Variants in HAP1 observed in about 807,000 individuals in gnomAD.
The protein encoded by HAP1 is huntingtin-associated protein 1.
HAP1 carries 59 observed loss-of-function variants against 60.3 expected under a neutral mutation model. The observed-to-expected ratio is 0.98, with a 90% CI of 0.79 to 1.22. The LOEUF is 1.22. HAP1 is among the 50% of genes most tolerant of loss of function. The pLI is 0.00. For synonymous variants in HAP1, 346 were observed against 330.6 expected (o/e 1.05, Z -0.50); for missense variants, 825 against 785.3 (o/e 1.05, Z -0.60).
chr17:41,728,429 C>T, intron 6 of HAP1, 98 bp from the exon 7 acceptor site: 3 of 1,153,138 alleles, frequency 2.6e-6, no homozygotes, highest in Non-Finnish European at 3.7e-6. Flanking sequence ...CCCTCGGCTG[C>T]TGCGCTGTGC....
At chr17:41,725,942 A>G (rs782290940) in intron 9 of HAP1, 45 bp from the exon 10 acceptor site, 4 of 1,423,522 alleles carry the variant, frequency 2.8e-6, no homozygotes, top group Non-Finnish European at 4.0e-6. Flanking sequence ...TGGAAGCCGA[A>G]ACTGCAGTCC....
chr17:41,718,738 C>T (rs1252485412), downstream of HAP1, among the ~76,000 whole-genome samples: 6 of 152,158 alleles, frequency 3.9e-5, no homozygotes, highest in African/African-American at 1.2e-4. Context: ...AAACGTCCTA[C>T]GTAAATGAAA....
At chr17:41,733,595 G>C (rs1912442130) in intron 1 of HAP1, among the ~76,000 whole-genome samples, 1 of 151,948 alleles carries the variant, frequency 6.6e-6, no homozygotes, top group Non-Finnish European at 1.5e-5. Flanking sequence ...CGTGTGCAGA[G>C]GACAGGAGGA....
At chr17:41,731,796 C>A in intron 4 of HAP1, 53 bp from the exon 5 acceptor site, 1 of 1,341,144 alleles carries the variant, frequency 7.5e-7, no homozygotes, top group Admixed American at 1.7e-5. Flanking sequence ...CTTCCCAGTT[C>A]CCAGCCCACC....
rs552405442 is a variant in HAP1, at chr17:41,725,791, G to A, written c.1406+68C>T. On this transcript the variant is annotated intron_variant, in intron 10 of 10. Transcript: ENST00000347901. Reference sequence around the variant, plus strand: ...CCGGAGTTGCAGGGTGGCAGAACCAGAGGCAGGTGGGCTGTCTGGCTGCTG... The same window carrying A: ...CCGGAGTTGCAGGGTGGCAGAACCAAAGGCAGGTGGGCTGTCTGGCTGCTG... The A allele has an allele frequency of 5.0e-6, 6 of 1,195,372 alleles. No homozygotes were observed. The Admixed American group carries it at 8.5e-5, about 17-fold the overall frequency. 74.0% of individuals were successfully genotyped at this position (1,195,372 alleles called of 1,614,324 possible). A position where few individuals can be genotyped will look rare whatever the true frequency, so the allele number is the denominator to read the frequency against.
Position 41,731,571 on chromosome 17 carries a change from C to A in HAP1, c.1003-12G>T. On this transcript the variant is annotated splice_polypyrimidine_tract_variant and intron_variant, in intron 5 of 10. Coordinates refer to ENST00000347901, the MANE Select transcript of HAP1 (RefSeq NM_177977.3). The stretch of plus-strand genomic sequence containing the variant: ...TCGAGTTGAGAGGCCTGGAGGGAGA[C>A]AAAGAGGAAGGGACAGGGAAGTCAA... The A allele has an allele frequency of 1.2e-6, 2 of 1,610,516 alleles. No individual in the cohort carries two copies. The highest frequency in any genetic ancestry group is 1.7e-6 in the Non-Finnish European group (2 of 1,176,698).
chr17:41,731,866 G>A, intron 4 of HAP1, 71 bp downstream of exon 4: 2 of 819,746 alleles, frequency 2.4e-6, no homozygotes, highest in Non-Finnish European at 4.1e-6. Context: ...CACATCACCT[G>A]TGTCCCTCTT....
intron 5 of HAP1, 22 bp from the exon 6 acceptor site, chr17:41,731,581 G>A (rs541884849): frequency 6.2e-7 from 1 of 1,607,344 alleles, no homozygotes; most frequent in East Asian, 2.2e-5. Flanking sequence ...CAAAGAGGAA[G>A]GGACAGGGAA....
At chr17:41,727,485 C>T (rs1911759099) in intron 8 of HAP1, 2 of 770,658 alleles carry the variant, frequency 2.6e-6, no homozygotes, top group African/African-American at 1.7e-5. Context: ...CAGTCCAGCA[C>T]TCCTGCCTAT....
In HAP1 at chr17:41,728,235, G is replaced by A; in HGVS notation, c.1166C>T (p.Ala389Val). Residue 389 changes from alanine to valine, a missense_variant, in exon 7 of 11, where the codon GCC becomes GTC. Coordinates refer to ENST00000347901, the MANE Select transcript of HAP1 (RefSeq NM_177977.3). ...RQQQEVARLQ[A>V]QVLKLQQRCR... is the part of the protein sequence containing the mutation. ...GCGCTGCTGCAGCTTCAGCACCTGGGCCTGCAGCCGAGCGACCTCCTGCTG... is the reference window on the plus strand; with the variant it reads ...GCGCTGCTGCAGCTTCAGCACCTGGACCTGCAGCCGAGCGACCTCCTGCTG... 6.2e-7 allele frequency: 1 copy of A among 1,613,084 alleles called. No homozygotes were observed. Among genetic ancestry groups the A allele is most frequent in the Non-Finnish European group, 8.5e-7 (1 of 1,180,010 alleles).
chr17:41,727,430 C>A, intron 8 of HAP1: 1 of 778,992 alleles, frequency 1.3e-6, no homozygotes. Flanking sequence ...GCAGGTCCTG[C>A]AGCTGGGAAC....
intron 6 of HAP1, 137 bp downstream of exon 6, chr17:41,731,356 T>C: frequency 1.4e-6 from 1 of 735,430 alleles, no homozygotes; most frequent in Admixed American, 1.9e-5. Flanking sequence ...TTCAGAGAGG[T>C]CAAGGAATGT....
rs186249614 is a variant in HAP1, at chr17:41,725,940, G to A, written c.1368-43C>T. On this transcript the variant is annotated intron_variant, in intron 9 of 10. Coordinates refer to ENST00000347901, the MANE Select transcript of HAP1 (RefSeq NM_177977.3). ...CCTTCATTATGAGACAATGGAAGCC[G>A]AAACTGCAGTCCCTGGGGCTTGGTC... 356 of 1,429,852 alleles carry A rather than the reference G, an allele frequency of 2.5e-4. No homozygotes were observed. In the African/African-American group the frequency reaches 3.1e-3, roughly 12 times the overall value. The allele number at this position is 1,429,852 out of a possible 1,614,324, so 88.6% of individuals were successfully genotyped here.
intron 9 of HAP1, 61 bp from the exon 10 acceptor site, chr17:41,725,958 G>T: frequency 1.6e-6 from 2 of 1,237,808 alleles, no homozygotes; most frequent in Non-Finnish European, 2.4e-6. Flanking sequence ...AGTCCCTGGG[G>T]CTTGGTCAAG....
Position 41,731,542 on chromosome 17 carries a change from A to G in HAP1, c.1020T>C (p.Thr340=), listed in dbSNP as rs1555590891. 7 of 1,612,666 alleles carry G rather than the reference A, an allele frequency of 4.3e-6. No individual in the cohort carries two copies. Among genetic ancestry groups the G allele is most frequent in the Non-Finnish European group, 3.4e-6 (4 of 1,178,836 alleles). Residue 340 remains threonine, a synonymous_variant, in exon 6 of 11, where the codon ACT becomes ACC. Coordinates refer to ENST00000347901, the MANE Select transcript of HAP1 (RefSeq NM_177977.3). ...TGAGCATCTGTTCCTCATCCTCAAG[A>G]GTGTCGAGTTGAGAGGCCTGGAGGG... ...QLREEASQLD[T]LEDEEQMLIL...
chr17:41,727,389 A>G lies in HAP1; in HGVS notation c.1276-245T>C, dbSNP rs550665535. The G allele has an allele frequency of 6.4e-5, 50 of 780,316 alleles. No homozygotes were observed. In the East Asian group the frequency reaches 1.2e-3, roughly 18 times the overall value. The allele number at this position is 780,316 out of a possible 1,614,324, so 48.3% of individuals were successfully genotyped here. A position where few individuals can be genotyped will look rare whatever the true frequency, so the allele number is the denominator to read the frequency against. On this transcript the variant is annotated intron_variant, in intron 8 of 10. Coordinates refer to ENST00000347901, the MANE Select transcript of HAP1 (RefSeq NM_177977.3). ...CTTCACCTCCTCCTGCATCTCAATC[A>G]GCATGCCCCCACAATCCATGTACTT...
downstream of HAP1, among the ~76,000 whole-genome samples, chr17:41,719,129 C>T (rs893209695): frequency 3.9e-5 from 6 of 152,012 alleles, no homozygotes; most frequent in Non-Finnish European, 8.8e-5. Flanking sequence ...TAGGCAGGCA[C>T]CACCATGCCA....
rs1555588248 is a variant in HAP1, at chr17:41,724,816, C to T, written c.1745G>A (p.Trp582Ter). The T allele has an allele frequency of 1.2e-6, 2 of 1,613,078 alleles. No homozygotes were observed. Among genetic ancestry groups the T allele is most frequent in the African/African-American group, 2.7e-5 (2 of 74,928 alleles). Residue 582 changes from tryptophan (W) to a stop codon, truncating the protein, a stop_gained, in exon 11 of 11, where the codon TGG (tryptophan) becomes TAG (stop). Transcript: ENST00000347901. LOFTEE classifies it low-confidence loss of function (END_TRUNC). Reference sequence around the variant, plus strand: ...CTGCCGCCTGTAATGGGCATCTTGCCAGTTGGCCAGCTGCTGGAGGACATA... The same window carrying T: ...CTGCCGCCTGTAATGGGCATCTTGCTAGTTGGCCAGCTGCTGGAGGACATA... ...MNYVLQQLAN[W>*]QDAHYRRQLR...
chr17:41,718,461 G>C (rs1188177250), downstream of HAP1, among the ~76,000 whole-genome samples: 1 of 152,242 alleles, frequency 6.6e-6, no homozygotes, highest in Non-Finnish European at 1.5e-5. Context: ...ACCCACATCC[G>C]GCAGTCACAG....
Sources: gnomAD v4.1 joint callset for allele counts (sites outside exome capture counted in the v4.1 genomes callset) on GRCh38, gnomAD v4.1.1 for gene constraint, MANE v1.5 for transcripts, NCBI Gene and HGNC (gene_info 2026-07-23, HGNC 2026-07-21) for gene names.